RERE: variants seen among roughly 807,000 people sequenced by gnomAD.
RERE encodes the protein arginine-glutamic acid dipeptide repeats protein.
A neutral mutation model predicts 146.1 loss-of-function variants in RERE; 40 were observed. The ratio of observed to expected loss-of-function variants is 0.27; its 90% confidence interval spans 0.21 to 0.36. The LOEUF (loss-of-function observed/expected upper bound fraction) is 0.36. Among genes scored for constraint, RERE ranks in the 10% least tolerant of loss-of-function variants. The probability of loss-of-function intolerance (pLI) is 1.00; values close to 1 mark genes in which losing one functional copy is unlikely to be tolerated. For missense variants in RERE, 1,933 were observed against 2,138.7 expected (o/e 0.90, Z 1.90); for synonymous variants, 1,003 against 866.0 (o/e 1.16, Z -2.78).
At chr1:8,444,859 G>A (rs1570249712) in intron 11 of RERE, among the ~76,000 whole-genome samples, 1 of 150,918 alleles carries the variant, frequency 6.6e-6, no homozygotes, top group East Asian at 1.9e-4. Context: ...GTGCGTAGAT[G>A]TTGGTGTCAT....
chr1:8,451,908 C>A (rs1042405534), intron 11 of RERE, among the ~76,000 whole-genome samples: 2 of 152,186 alleles, frequency 1.3e-5, no homozygotes, highest in African/African-American at 4.8e-5. Context: ...TCCTATCCTT[C>A]CCCACACATT....
At chr1:8,634,040 C>G (rs922978739) in intron 2 of RERE, among the ~76,000 whole-genome samples, 7 of 152,160 alleles carry the variant, frequency 4.6e-5, no homozygotes, top group Non-Finnish European at 5.9e-5. Flanking sequence ...CACACAATGA[C>G]AGATGAGAAG....
At chr1:8,699,826 C>G (rs1221499281) in intron 1 of RERE, among the ~76,000 whole-genome samples, 2 of 152,134 alleles carry the variant, frequency 1.3e-5, no homozygotes, top group Non-Finnish European at 2.9e-5. Flanking sequence ...GTATCTTAGT[C>G]TAAGACAAGC....
intron 10 of RERE, among the ~76,000 whole-genome samples, chr1:8,494,823 C>A (rs975800827): frequency 1.3e-5 from 2 of 152,208 alleles, no homozygotes; most frequent in African/African-American, 2.4e-5. Context: ...GTATCAGGTG[C>A]TATTATTAGG....
At chr1:8,395,436 C>T (rs12142222) in intron 12 of RERE, among the ~76,000 whole-genome samples, 8 of 149,792 alleles carry the variant, frequency 5.3e-5, no homozygotes, top group Non-Finnish European at 1.2e-4. Flanking sequence ...GATCACGCCA[C>T]TACACTCCAG....
Position 8,354,929 on chromosome 1 carries a change from T to TAC in RERE, c.*156_*157dup. The TAC allele has an allele frequency of 1.4e-5, 9 of 652,480 alleles. No homozygotes were observed. Among genetic ancestry groups the TAC allele is most frequent in the Non-Finnish European group, 1.3e-5 (5 of 378,762 alleles). 40.4% of individuals were successfully genotyped at this position (652,480 alleles called of 1,614,324 possible). ...GGAAATCCTCTCGACAAACGAACAC[T>TAC]ACTATGTGGATACATTTTTAGTTGT... On this transcript the variant is annotated 3_prime_UTR_variant, in exon 23 of 23. Transcript: ENST00000400908.
At chr1:8,727,097 G>A (rs1267821945) in intron 1 of RERE, among the ~76,000 whole-genome samples, 1 of 150,878 alleles carries the variant, frequency 6.6e-6, no homozygotes, top group Non-Finnish European at 1.5e-5. Flanking sequence ...GAGCCACTGG[G>A]CCCAGCCAAC....
intron 11 of RERE, among the ~76,000 whole-genome samples, chr1:8,431,974 G>A (rs1027034295): frequency 1.3e-5 from 2 of 152,054 alleles, no homozygotes; most frequent in Admixed American, 1.3e-4. Context: ...TTCCTGTTCG[G>A]CATGCTCCTC....
intron 17 of RERE, 83 bp downstream of exon 17, chr1:8,361,680 G>C: frequency 7.3e-7 from 1 of 1,371,156 alleles, no homozygotes; most frequent in South Asian, 1.2e-5. Flanking sequence ...GACAGGGCAC[G>C]GCCACCAACT....
chr1:8,569,220 C>T (rs1227077567), intron 4 of RERE, among the ~76,000 whole-genome samples: 1 of 145,326 alleles, frequency 6.9e-6, no homozygotes, highest in Non-Finnish European at 1.5e-5. Context: ...TTAATCCCTA[C>T]TAAAGCTTTA....
chr1:8,803,363 G>A (rs778233606), intron 1 of RERE, among the ~76,000 whole-genome samples: 1 of 152,022 alleles, frequency 6.6e-6, no homozygotes, highest in African/African-American at 2.4e-5. Flanking sequence ...CCAGCTACTC[G>A]GGAGGCTGAG....
intron 12 of RERE, 27 bp from the exon 13 acceptor site, chr1:8,366,001 G>T (rs750186489): frequency 1.6e-5 from 25 of 1,609,094 alleles, no homozygotes; most frequent in Non-Finnish European, 2.1e-5. Context: ...CTGACTGTGG[G>T]GGAGGGCCTG....
chr1:8,742,471 G>T (rs1023516179), intron 1 of RERE, among the ~76,000 whole-genome samples: 1 of 152,132 alleles, frequency 6.6e-6, no homozygotes. Context: ...TCCACTCAAT[G>T]GCCAAGGGAA....
chr1:8,560,455 G>A (rs1482843155), intron 4 of RERE, among the ~76,000 whole-genome samples: 1 of 152,134 alleles, frequency 6.6e-6, no homozygotes. Context: ...AATAAAACCT[G>A]GTTCGAGCAC....
chr1:8,560,699 TC>T (rs1311367196), intron 4 of RERE, among the ~76,000 whole-genome samples: 1 of 152,228 alleles, frequency 6.6e-6, no homozygotes, highest in Non-Finnish European at 1.5e-5. Flanking sequence ...TATTGTTTCC[TC>T]TATTGGTAGG....
intron 4 of RERE, among the ~76,000 whole-genome samples, chr1:8,588,006 T>C (rs1295818408): frequency 1.3e-5 from 2 of 152,180 alleles, no homozygotes; most frequent in East Asian, 3.9e-4. Flanking sequence ...ATCTTACTCA[T>C]ATTCTTACAT....
At chr1:8,807,720 A>T (rs1641717444) in intron 1 of RERE, among the ~76,000 whole-genome samples, 1 of 152,130 alleles carries the variant, frequency 6.6e-6, no homozygotes, top group Non-Finnish European at 1.5e-5. Context: ...TACATGTAAG[A>T]GTTTGTGTTC....
chr1:8,655,033 AGTCT>A (rs1638238174), intron 2 of RERE, among the ~76,000 whole-genome samples: 1 of 152,064 alleles, frequency 6.6e-6, no homozygotes, highest in Admixed American at 6.5e-5. Flanking sequence ...CTAAAAGTTG[AGTCT>A]GTCTTTTTTT....
At chr1:8,514,319 T>G (rs750660978) in intron 7 of RERE, among the ~76,000 whole-genome samples, 8 of 152,250 alleles carry the variant, frequency 5.3e-5, no homozygotes, top group Non-Finnish European at 1.2e-4. Flanking sequence ...AAAAAGTGGC[T>G]AGCTTCGCTT....
Sources: allele counts gnomAD v4.1 joint callset (sites outside exome capture counted in the v4.1 genomes callset), GRCh38; gene constraint gnomAD v4.1.1; transcripts MANE v1.5; gene names NCBI Gene and HGNC (gene_info 2026-07-23, HGNC 2026-07-21).